The following NOTCH2 variants were observed in gnomAD, a reference collection of about 807,000 sequenced individuals.
NOTCH2 encodes neurogenic locus notch homolog protein 2.
Under a neutral mutation model 235.8 loss-of-function variants are expected in NOTCH2, and 29 were observed. The observed-to-expected ratio is 0.12, with a 90% CI of 0.09 to 0.17. The LOEUF (loss-of-function observed/expected upper bound fraction) is 0.17. Among genes scored for constraint, NOTCH2 ranks in the 10% least tolerant of loss-of-function variants. The pLI is 1.00. For synonymous variants in NOTCH2, 1,086 were observed against 1,141.5 expected (o/e 0.95, Z 0.98); for missense variants, 2,285 against 3,150.2 (o/e 0.73, Z 6.57).
At chr1:119,946,944 C>T (rs904490835) in intron 17 of NOTCH2, among the ~76,000 whole-genome samples, 1 of 152,054 alleles carries the variant, frequency 6.6e-6, no homozygotes, top group Non-Finnish European at 1.5e-5. Context: ...GGCTAACCTA[C>T]GAACCTACAA....
rs1244610441 is a variant in NOTCH2, at chr1:119,911,567, TCTCA to T, written c.*3735_*3738del. On this transcript the variant is annotated 3_prime_UTR_variant, in exon 34 of 34. Coordinates refer to ENST00000256646, the MANE Select transcript of NOTCH2 (RefSeq NM_024408.4). Reference sequence around the variant, plus strand: ...AACATCAAGTATTCATGTTCAAATATCTCACTGACTTTATAAATAAATGTATGAA... The same window carrying T: ...AACATCAAGTATTCATGTTCAAATATCTGACTTTATAAATAAATGTATGAA... 1 of 230,234 alleles carries T rather than the reference TCTCA, an allele frequency of 4.3e-6. No homozygotes were observed. Among genetic ancestry groups the T allele is most frequent in the African/African-American group, 2.2e-5 (1 of 45,212 alleles). The allele number at this position is 230,234 out of a possible 1,614,324, so 14.3% of individuals were successfully genotyped here. A position where few individuals can be genotyped will look rare whatever the true frequency, so the allele number is the denominator to read the frequency against.
intron 23 of NOTCH2, among the ~76,000 whole-genome samples, chr1:119,927,666 A>C (rs587773862): frequency 6.6e-6 from 1 of 152,294 alleles, no homozygotes; most frequent in South Asian, 2.1e-4. Context: ...CAGAGAAAAA[A>C]GCCTCAGGGG....
At chr1:119,939,092 C>T (rs141947638) in intron 19 of NOTCH2, among the ~76,000 whole-genome samples, 28 of 152,284 alleles carry the variant, frequency 1.8e-4, no homozygotes, top group African/African-American at 6.7e-4. Flanking sequence ...ACATACATGA[C>T]TTTGAGTTGT....
intron 5 of NOTCH2, among the ~76,000 whole-genome samples, chr1:119,975,208 G>A (rs1216446624): frequency 6.6e-6 from 1 of 152,166 alleles, no homozygotes; most frequent in Non-Finnish European, 1.5e-5. Context: ...GAAACTCAGA[G>A]TGCTACAAGT....
Position 119,959,374 on chromosome 1 carries a change from C to A in NOTCH2, c.2026+18G>T, listed in dbSNP as rs782423126. ...TGATAGGGCTGAAGGAGGGGCCTTG[C>A]AGTAAAAGGAGCTTTACCTGTGAAT... On this transcript the variant is annotated intron_variant, in intron 12 of 33. Coordinates refer to ENST00000256646, the MANE Select transcript of NOTCH2 (RefSeq NM_024408.4). 2.3e-6 allele frequency: 3 copies of A among 1,315,258 alleles called. No homozygotes were observed. Among genetic ancestry groups the A allele is most frequent in the Non-Finnish European group, 3.3e-6 (3 of 907,054 alleles). The allele number at this position is 1,315,258 out of a possible 1,614,324, so 81.5% of individuals were successfully genotyped here. A position where few individuals can be genotyped will look rare whatever the true frequency, so the allele number is the denominator to read the frequency against.
At chr1:119,996,306 T>C (rs1553204095) in intron 4 of NOTCH2, 7 of 304,268 alleles carry the variant, frequency 2.3e-5, no homozygotes, top group African/African-American at 4.3e-5. Flanking sequence ...TCTAGAACAC[T>C]TGTATCAGTG....
chr1:120,029,335 ATATATTTTTT>A (rs1654002152), intron 2 of NOTCH2, among the ~76,000 whole-genome samples: 1 of 151,736 alleles, frequency 6.6e-6, no homozygotes, highest in Admixed American at 6.6e-5. Flanking sequence ...GGAATCTAAT[ATATATTTTTT>A]TATATTTTTT....
At chr1:119,968,911 C>T (rs1254862046) in intron 6 of NOTCH2, among the ~76,000 whole-genome samples, 2 of 152,234 alleles carry the variant, frequency 1.3e-5, no homozygotes, top group African/African-American at 4.8e-5. Context: ...CATGAAAGAA[C>T]ATTTCAAAAC....
At chr1:119,941,389 A>G (rs1650056093) in intron 18 of NOTCH2, 137 bp downstream of exon 18, 1 of 714,980 alleles carries the variant, frequency 1.4e-6, no homozygotes, top group African/African-American at 1.8e-5. Flanking sequence ...TAACCGGGCA[A>G]TAGGAGATGA....
chr1:119,944,888 A>G (rs1553196883), intron 17 of NOTCH2, among the ~76,000 whole-genome samples: 1 of 152,198 alleles, frequency 6.6e-6, no homozygotes, highest in African/African-American at 2.4e-5. Flanking sequence ...ATTTTTTCAG[A>G]CAGAAGGAAA....
At chr1:120,000,240 A>G (rs1473429285) in intron 3 of NOTCH2, among the ~76,000 whole-genome samples, 1 of 151,930 alleles carries the variant, frequency 6.6e-6, no homozygotes, top group Non-Finnish European at 1.5e-5. Context: ...TATGTATAAA[A>G]GATGATCAGA....
Position 119,918,113 on chromosome 1 carries a change from C to T in NOTCH2, c.5929+293G>A, listed in dbSNP as rs1246157842. Among the ~76,000 whole-genome samples, 9 of 152,156 alleles carry T rather than the reference C, an allele frequency of 5.9e-5. No homozygotes were observed. In the East Asian group the frequency reaches 1.7e-3, roughly 29 times the overall value. On this transcript the variant is annotated intron_variant, in intron 32 of 33. Coordinates refer to ENST00000256646, the MANE Select transcript of NOTCH2 (RefSeq NM_024408.4). ...TACAACTCTCCTAGAGAAGTCAGCTCTCATAAATCCTCAAATCAAGTGTTA... is the reference window on the plus strand; with the variant it reads ...TACAACTCTCCTAGAGAAGTCAGCTTTCATAAATCCTCAAATCAAGTGTTA...
rs782385457 is a variant in NOTCH2, at chr1:119,968,257, A to G, written c.1109-25T>C. 6.2e-6 allele frequency: 10 copies of G among 1,611,974 alleles called. No homozygotes were observed. The East Asian group carries it at 2.2e-4, about 36-fold the overall frequency. ...CCTGTCACAGGGTGGGGCAAAGGAC[A>G]ACTAAGAGAAAATGTCTCTCACTTG... On this transcript the variant is annotated intron_variant, in intron 6 of 33. Transcript: ENST00000256646.
intron 22 of NOTCH2, among the ~76,000 whole-genome samples, chr1:119,930,921 A>AC (rs1162206283): frequency 6.6e-6 from 1 of 151,230 alleles, no homozygotes; most frequent in African/African-American, 2.4e-5. Flanking sequence ...ACATGGTGAA[A>AC]CCCCGTCTCC....
chr1:120,003,939 G>C (rs1429542416), intron 3 of NOTCH2, among the ~76,000 whole-genome samples: 3 of 152,216 alleles, frequency 2.0e-5, no homozygotes, highest in Admixed American at 1.3e-4. Context: ...TGCTTGTGGG[G>C]AGGCCAGGCT....
chr1:119,953,619 C>A lies in NOTCH2; in HGVS notation c.2289G>T (p.Ser763=). 1.2e-6 allele frequency: 2 copies of A among 1,614,060 alleles called. No individual in the cohort carries two copies. The highest frequency in any genetic ancestry group is 3.3e-5 in the Admixed American group (2 of 60,016). Residue 763 remains serine, a synonymous_variant, in exon 14 of 34, where the codon TCG becomes TCT. Coordinates refer to ENST00000256646, the MANE Select transcript of NOTCH2 (RefSeq NM_024408.4). ...AAGTTCCTCCATTCTGGCATGGATT[C>A]GAAAGGCATTCATTTTTGTCCACTT... ...NCEVDKNECL[S]NPCQNGGTCD...
intron 1 of NOTCH2, among the ~76,000 whole-genome samples, chr1:120,062,783 T>C (rs1198087495): frequency 4.1e-5 from 6 of 147,782 alleles, no homozygotes; most frequent in Non-Finnish European, 8.9e-5. Context: ...GCTACAAAGA[T>C]AGCAAATGTT....
intron 4 of NOTCH2, among the ~76,000 whole-genome samples, chr1:119,989,290 C>G (rs1399093598): frequency 6.6e-6 from 1 of 152,106 alleles, no homozygotes; most frequent in Non-Finnish European, 1.5e-5. Flanking sequence ...TAAATATCCA[C>G]ATGTAAAAGA....
intron 23 of NOTCH2, among the ~76,000 whole-genome samples, chr1:119,928,549 T>G (rs1269363401): frequency 6.6e-6 from 1 of 151,380 alleles, no homozygotes; most frequent in Non-Finnish European, 1.5e-5. Context: ...TGAAAAGAGT[T>G]CTGTGAATGA....
Sources: allele counts gnomAD v4.1 joint callset (sites outside exome capture counted in the v4.1 genomes callset), GRCh38; gene constraint gnomAD v4.1.1; transcripts MANE v1.5; gene names NCBI Gene and HGNC (gene_info 2026-07-23, HGNC 2026-07-21).